Variants in MCM9 observed in about 807,000 individuals in gnomAD.
MCM9 encodes DNA helicase MCM9.
In MCM9, 55 loss-of-function variants were observed where a neutral mutation model predicts 72.8. The ratio of observed to expected loss-of-function variants is 0.76; its 90% confidence interval spans 0.61 to 0.95. The LOEUF (loss-of-function observed/expected upper bound fraction) is 0.95. Ranked by LOEUF, MCM9 falls within the 40% of genes least tolerant of loss-of-function variation. The pLI, the probability that MCM9 is intolerant of heterozygous loss-of-function variation, is 0.00. For synonymous variants in MCM9, 480 were observed against 503.4 expected (o/e 0.95, Z 0.62); for missense variants, 1,279 against 1,377.0 (o/e 0.93, Z 1.13).
chr6:118,906,534 TC>T (rs1020359187), intron 8 of MCM9, among the ~76,000 whole-genome samples: 4 of 152,244 alleles, frequency 2.6e-5, no homozygotes, highest in Non-Finnish European at 5.9e-5. Context: ...GTGTAACTCT[TC>T]CCAAAATTAT....
intron 8 of MCM9, among the ~76,000 whole-genome samples, chr6:118,882,829 A>AT (rs1218710560): frequency 6.6e-6 from 1 of 150,402 alleles, no homozygotes; most frequent in African/African-American, 2.4e-5. Context: ...GCAAACAACA[A>AT]TAAAAAAAAG....
At chr6:118,827,202 T>C (rs907074905) in intron 11 of MCM9, among the ~76,000 whole-genome samples, 1 of 152,238 alleles carries the variant, frequency 6.6e-6, no homozygotes, top group Admixed American at 6.5e-5. Context: ...TTAAAACTCA[T>C]TTTTCATTTC....
intron 8 of MCM9, among the ~76,000 whole-genome samples, chr6:118,903,032 T>C (rs1779910061): frequency 6.6e-6 from 1 of 152,246 alleles, no homozygotes; most frequent in Non-Finnish European, 1.5e-5. Flanking sequence ...CCTGTAAGCT[T>C]CTCTACTTAA....
intron 8 of MCM9, among the ~76,000 whole-genome samples, chr6:118,857,419 C>T (rs1776627802): frequency 6.6e-6 from 1 of 152,062 alleles, no homozygotes; most frequent in Non-Finnish European, 1.5e-5. Flanking sequence ...AGCTGTCATT[C>T]TAGCTGTTGA....
chr6:118,934,414 C>T (rs548547823), intron 1 of MCM9: 1 of 152,306 alleles, frequency 6.6e-6, no homozygotes, highest in East Asian at 1.9e-4. Context: ...CACAGCGAAG[C>T]GTCGAAAAGA....
chr6:118,894,907 G>A (rs575623041), intron 8 of MCM9, among the ~76,000 whole-genome samples: 1 of 152,304 alleles, frequency 6.6e-6, no homozygotes, highest in East Asian at 1.9e-4. Context: ...GGCTGGGAAG[G>A]GAGAGGCTGT....
At chr6:118,924,540 G>A (rs12189689) in intron 3 of MCM9, among the ~76,000 whole-genome samples, 1,900 of 152,176 alleles carry the variant, frequency 0.012, 13 homozygotes, top group Middle Eastern at 0.044. Flanking sequence ...AGTAAATCAC[G>A]CAGCAGACCG....
chr6:118,923,960 C>T lies in MCM9; in HGVS notation c.472G>A (p.Ala158Thr), dbSNP rs969031279. 4.3e-6 allele frequency: 7 copies of T among 1,614,188 alleles called. No homozygotes were observed. Among genetic ancestry groups the T allele is most frequent in the Non-Finnish European group, 5.9e-6 (7 of 1,180,034 alleles). Residue 158 changes from alanine (A) to threonine (T), a missense_variant, in exon 4 of 14, where the codon GCT becomes ACT. By Grantham distance (58) the Ala-to-Thr change is moderately conservative (BLOSUM62 0). Transcript: ENST00000619706. ...AAGGTGTAATACTGCTCAAAGTCAG[C>T]CTTGATCACAAACACATGCTTGCAT... ...NKCKHVFVIK[A>T]DFEQYYTFCR...
intron 9 of MCM9, among the ~76,000 whole-genome samples, chr6:118,837,915 G>T (rs1255377019): frequency 6.6e-6 from 1 of 152,102 alleles, no homozygotes; most frequent in Non-Finnish European, 1.5e-5. Context: ...ATGCTAGCTG[G>T]TTATTTTGCC....
At chr6:118,899,029 A>G (rs1034307249) in intron 8 of MCM9, among the ~76,000 whole-genome samples, 4 of 151,966 alleles carry the variant, frequency 2.6e-5, no homozygotes, top group Non-Finnish European at 5.9e-5. Context: ...CCTACCCCAC[A>G]TCACCTCCCT....
chr6:118,897,305 T>C (rs7772912), intron 8 of MCM9, among the ~76,000 whole-genome samples: 122,610 of 152,022 alleles, frequency 0.81, 49,902 homozygotes, highest in East Asian at 0.92. Context: ...TGAGGAATAT[T>C]TGGTCTTAAG....
In MCM9 at chr6:118,932,603, A is replaced by C; in HGVS notation, c.-16+4T>G. On this transcript the variant is annotated splice_donor_region_variant and intron_variant, in intron 2 of 13. Transcript: ENST00000619706. The stretch of plus-strand genomic sequence containing the variant: ...GTATTCTGCTATGTAACTGAAACAC[A>C]TACCATTAATCAGACTGACAGCCAG... The C allele has an allele frequency of 1.0e-6, 1 of 984,810 alleles. No homozygotes were observed. The highest frequency in any genetic ancestry group is 1.2e-6 in the Non-Finnish European group (1 of 829,366). The allele number at this position is 984,810 out of a possible 1,614,324, so 61.0% of individuals were successfully genotyped here.
chr6:118,843,253 C>T (rs1583404513), intron 9 of MCM9, among the ~76,000 whole-genome samples: 1 of 151,790 alleles, frequency 6.6e-6, no homozygotes, highest in Non-Finnish European at 1.5e-5. Flanking sequence ...TGTGAAATCA[C>T]AGTTAAATGA....
Position 118,827,993 on chromosome 6 carries a change from T to C in MCM9, c.1666A>G (p.Ser556Gly). 1 of 1,550,992 alleles carries C rather than the reference T, an allele frequency of 6.4e-7. No homozygotes were observed. The highest frequency in any genetic ancestry group is 8.7e-7 in the Non-Finnish European group (1 of 1,147,080). Residue 556 changes from serine to glycine, a missense_variant, in exon 11 of 14, where the codon AGT becomes GGT. Transcript: ENST00000619706. Reference protein sequence around the residue: ...LLRYYQMQRQSDCRNAARTTI... With the variant: ...LLRYYQMQRQGDCRNAARTTI... ...GTCCGGGCAGCGTTCCGGCAATCAC[T>C]CTGCCTTTGCATCTGGTAGTACCGG...
chr6:118,915,955 C>G (rs758035441), intron 6 of MCM9, among the ~76,000 whole-genome samples: 5 of 152,196 alleles, frequency 3.3e-5, no homozygotes, highest in Non-Finnish European at 7.4e-5. Context: ...TGATGGCCTT[C>G]CCTTCATTGT....
chr6:118,930,828 A>G, intron 3 of MCM9, among the ~76,000 whole-genome samples: 1 of 152,184 alleles, frequency 6.6e-6, no homozygotes, highest in African/African-American at 2.4e-5. Flanking sequence ...CATCCTACTA[A>G]AAAATCACTT....
At chr6:118,898,897 C>T (rs1390070070) in intron 8 of MCM9, among the ~76,000 whole-genome samples, 2 of 152,166 alleles carry the variant, frequency 1.3e-5, no homozygotes, top group Admixed American at 1.3e-4. Flanking sequence ...CTAGAGCAAG[C>T]CCATGTATTT....
At chr6:118,915,888 A>G (rs1780904085) in intron 6 of MCM9, among the ~76,000 whole-genome samples, 1 of 152,234 alleles carries the variant, frequency 6.6e-6, no homozygotes, top group Admixed American at 6.5e-5. Flanking sequence ...TTAAAACAAG[A>G]CAGATTCTTT....
intron 8 of MCM9, among the ~76,000 whole-genome samples, chr6:118,866,024 T>A (rs374777631): frequency 6.6e-6 from 1 of 152,164 alleles, no homozygotes; most frequent in South Asian, 2.1e-4. Flanking sequence ...ATGGAAGTAA[T>A]TGAAACACAT....
Sources: gnomAD v4.1 joint callset for allele counts (sites outside exome capture counted in the v4.1 genomes callset) on GRCh38, gnomAD v4.1.1 for gene constraint, MANE v1.5 for transcripts, NCBI Gene and HGNC (gene_info 2026-07-23, HGNC 2026-07-21) for gene names.